GPC5: variants seen among roughly 807,000 people sequenced by gnomAD.
The protein encoded by GPC5 is glypican 5.
GPC5 carries 47 observed loss-of-function variants against 53.9 expected under a neutral mutation model. The ratio of observed to expected loss-of-function variants is 0.87; its 90% confidence interval spans 0.69 to 1.11. The LOEUF (loss-of-function observed/expected upper bound fraction) is 1.11, where lower values mean the gene tolerates loss of function less well. Among genes scored for constraint, GPC5 ranks in the 50% most tolerant of loss-of-function variants. The pLI is 0.00. For missense variants in GPC5, 748 were observed against 713.1 expected, an observed-to-expected ratio of 1.05 and a Z score of -0.56; for synonymous variants, 286 against 263.3, an observed-to-expected ratio of 1.09 and a Z score of -0.84.
chr13:92,830,982 T>A (rs567946218), intron 7 of GPC5, among the ~76,000 whole-genome samples: 2 of 152,182 alleles, frequency 1.3e-5, no homozygotes, highest in Non-Finnish European at 2.9e-5. Context: ...TAGATCTGTT[T>A]GATTACAAAT....
At chr13:91,512,414 G>T (rs1438516809) in intron 2 of GPC5, among the ~76,000 whole-genome samples, 1 of 152,146 alleles carries the variant, frequency 6.6e-6, no homozygotes, top group Admixed American at 6.5e-5. Context: ...GATTTTTTCA[G>T]CTTTCCTCTC....
At chr13:92,637,715 G>C (rs1474659681) in intron 7 of GPC5, among the ~76,000 whole-genome samples, 1 of 152,072 alleles carries the variant, frequency 6.6e-6, no homozygotes, top group East Asian at 1.9e-4. Flanking sequence ...ACTATGTCCA[G>C]CATTTGATAA....
intron 6 of GPC5, among the ~76,000 whole-genome samples, chr13:92,080,998 T>C (rs190230611): frequency 6.6e-6 from 1 of 152,354 alleles, no homozygotes; most frequent in East Asian, 1.9e-4. Flanking sequence ...TGAGCACTTA[T>C]TTTAACATAC....
At chr13:92,065,797 A>G (rs1365471293) in intron 6 of GPC5, among the ~76,000 whole-genome samples, 2 of 152,170 alleles carry the variant, frequency 1.3e-5, no homozygotes, top group Non-Finnish European at 2.9e-5. Context: ...ATATTTAAAT[A>G]TTCAAAAATA....
At chr13:91,447,349 A>G (rs1363242240) in intron 1 of GPC5, among the ~76,000 whole-genome samples, 1 of 149,244 alleles carries the variant, frequency 6.7e-6, no homozygotes, top group Non-Finnish European at 1.5e-5. Flanking sequence ...TTTTTCAAAT[A>G]ATTTTACTGT....
intron 2 of GPC5, among the ~76,000 whole-genome samples, chr13:91,574,441 G>C (rs1046361037): frequency 2.6e-5 from 4 of 152,064 alleles, no homozygotes; most frequent in Non-Finnish European, 4.4e-5. Flanking sequence ...AGAAATCCTG[G>C]AGACACAGTT....
At chr13:92,837,369 C>G (rs896803305) in intron 7 of GPC5, among the ~76,000 whole-genome samples, 4 of 152,026 alleles carry the variant, frequency 2.6e-5, no homozygotes, top group African/African-American at 9.7e-5. Flanking sequence ...ACAGTGACAC[C>G]AATCTGATGA....
chr13:91,524,358 T>G (rs1299368493), intron 2 of GPC5, among the ~76,000 whole-genome samples: 1 of 152,148 alleles, frequency 6.6e-6, no homozygotes, highest in African/African-American at 2.4e-5. Flanking sequence ...TAGTGTAGTA[T>G]TATTTTTTGA....
chr13:92,487,932 T>C (rs554440463), intron 7 of GPC5, among the ~76,000 whole-genome samples: 11 of 152,002 alleles, frequency 7.2e-5, no homozygotes, highest in Non-Finnish European at 1.5e-4. Flanking sequence ...GGATTAGTGA[T>C]TGGAAGGAAA....
intron 5 of GPC5, among the ~76,000 whole-genome samples, chr13:91,831,452 T>A (rs910834338): frequency 6.6e-6 from 1 of 152,020 alleles, no homozygotes; most frequent in African/African-American, 2.4e-5. Context: ...GATTAATACT[T>A]TGTATCCCTC....
At chr13:92,400,612 C>G (rs1449357435) in intron 7 of GPC5, among the ~76,000 whole-genome samples, 1 of 152,166 alleles carries the variant, frequency 6.6e-6, no homozygotes, top group Non-Finnish European at 1.5e-5. Flanking sequence ...CCATGAAACT[C>G]CCTTTTACTC....
chr13:92,008,260 C>T (rs1009533029), intron 6 of GPC5, among the ~76,000 whole-genome samples: 4 of 151,942 alleles, frequency 2.6e-5, no homozygotes. Context: ...GACGGGGTTT[C>T]ACCGTGTTAG....
At chr13:92,296,945 C>T (rs1249226373) in intron 7 of GPC5, among the ~76,000 whole-genome samples, 1 of 152,206 alleles carries the variant, frequency 6.6e-6, no homozygotes, top group African/African-American at 2.4e-5. Context: ...CCTGAGCCTC[C>T]CACCCCCTCC....
chr13:91,586,517 T>G (rs2032577681), intron 2 of GPC5, among the ~76,000 whole-genome samples: 1 of 18,412 alleles, frequency 5.4e-5, no homozygotes, highest in Non-Finnish European at 8.4e-5. Flanking sequence ...TATATATATA[T>G]ATATATATAT....
chr13:91,830,276 G>A (rs1479265990), intron 5 of GPC5, among the ~76,000 whole-genome samples: 1 of 152,060 alleles, frequency 6.6e-6, no homozygotes, highest in Non-Finnish European at 1.5e-5. Context: ...GTTCTGCCCA[G>A]CTCACCGGCA....
At chr13:92,216,127 A>G (rs1488627782) in intron 7 of GPC5, among the ~76,000 whole-genome samples, 1 of 152,240 alleles carries the variant, frequency 6.6e-6, no homozygotes, top group Non-Finnish European at 1.5e-5. Flanking sequence ...CTTCCAGACC[A>G]GTGTAATTTA....
At chr13:92,757,933 A>T (rs976727354) in intron 7 of GPC5, among the ~76,000 whole-genome samples, 53 of 151,634 alleles carry the variant, frequency 3.5e-4, no homozygotes, top group African/African-American at 1.2e-3. Flanking sequence ...GCGATTCCTC[A>T]GGGATCTAGA....
intron 7 of GPC5, among the ~76,000 whole-genome samples, chr13:92,407,414 T>C (rs1332756549): frequency 2.6e-5 from 4 of 152,338 alleles, no homozygotes; most frequent in African/African-American, 7.2e-5. Flanking sequence ...TAATGTGATT[T>C]TGTGTTTGAG....
intron 2 of GPC5, among the ~76,000 whole-genome samples, chr13:91,555,624 G>C (rs1284454029): frequency 6.6e-6 from 1 of 151,984 alleles, no homozygotes; most frequent in East Asian, 1.9e-4. Flanking sequence ...TAGACCAGCT[G>C]TATTAGTCTG....
Sources: allele counts gnomAD v4.1 joint callset (sites outside exome capture counted in the v4.1 genomes callset), GRCh38; gene constraint gnomAD v4.1.1; transcripts MANE v1.5; gene names NCBI Gene and HGNC (gene_info 2026-07-23, HGNC 2026-07-21).